The following AATF variants were observed in gnomAD, a reference collection of about 807,000 sequenced individuals.
AATF encodes the protein protein AATF.
A neutral mutation model predicts 63.7 loss-of-function variants in AATF; 48 were observed. The ratio of observed to expected loss-of-function variants is 0.75; its 90% CI spans 0.60 to 0.96. The LOEUF (loss-of-function observed/expected upper bound fraction) is 0.96. Ranked by LOEUF, AATF falls within the 40% of genes least tolerant of loss-of-function variation. AATF has a pLI of 0.00. For synonymous variants in AATF, 258 were observed against 247.7 expected (o/e 1.04, Z -0.39); for missense variants, 639 against 685.7 (o/e 0.93, Z 0.76).
intron 10 of AATF, among the ~76,000 whole-genome samples, chr17:37,026,657 G>C (rs1372462912): frequency 1.3e-5 from 2 of 152,180 alleles, no homozygotes; most frequent in Non-Finnish European, 2.9e-5. Context: ...CAGACTAAAT[G>C]AGCTAATTCA....
chr17:36,949,935 T>C (rs1031405572), intron 1 of AATF, among the ~76,000 whole-genome samples: 2 of 152,218 alleles, frequency 1.3e-5, no homozygotes, highest in African/African-American at 4.8e-5. Flanking sequence ...ATTTAAGATA[T>C]TGGAGCGACT....
intron 11 of AATF, among the ~76,000 whole-genome samples, chr17:37,047,229 T>C (rs2071701253): frequency 6.6e-6 from 1 of 152,174 alleles, no homozygotes; most frequent in Non-Finnish European, 1.5e-5. Context: ...GAATATGGAA[T>C]ATTAATGCGT....
rs966527311 is a variant in AATF at position 37,032,166 on chromosome 17, A to G, written c.1619+481A>G. On this transcript the variant is annotated intron_variant, in intron 11 of 11. Coordinates refer to ENST00000619387, the MANE Select transcript of AATF (RefSeq NM_012138.4). ...AAAAAAAGTGTATGCTCATAATATT[A>G]CCGTTCAGGGATAACCTTTTTAAAA... Among the ~76,000 whole-genome samples the G allele has an allele frequency of 3.3e-5, 5 of 152,140 alleles. No individual in the cohort carries two copies. In the East Asian group the frequency reaches 9.6e-4, roughly 29 times the overall value.
intron 4 of AATF, among the ~76,000 whole-genome samples, chr17:36,970,613 T>C (rs902469151): frequency 1.3e-5 from 2 of 151,286 alleles, no homozygotes; most frequent in Non-Finnish European, 2.9e-5. Flanking sequence ...CGATCATGGC[T>C]CACTGCAGCA....
In AATF at chr17:36,986,621, C is replaced by T. The variant is rs1389093891; in HGVS notation, c.837C>T (p.His279=). 1 of 1,613,566 alleles carries T rather than the reference C, an allele frequency of 6.2e-7. No homozygotes were observed. The highest frequency in any genetic ancestry group is 1.1e-5 in the South Asian group (1 of 91,074). The change falls in exon 5 of 12, where the codon CAC becomes CAT. Residue 279 remains histidine, a synonymous_variant. Transcript: ENST00000619387. The part of the protein sequence containing the change: ...PEFSSALKNS[H]KALKALLRSL... ...TCTCTGTCCTTTATTTCCCAGGTCA[C>T]AAGGCACTTAAAGCATTGTTGAGGT...
chr17:37,027,908 T>C (rs578227228), intron 10 of AATF, among the ~76,000 whole-genome samples: 2 of 152,312 alleles, frequency 1.3e-5, no homozygotes, highest in East Asian at 3.9e-4. Context: ...CAGCCAAGAA[T>C]AGTAATCATA....
At chr17:36,952,333 A>G (rs1469621651) in intron 2 of AATF, among the ~76,000 whole-genome samples, 1 of 152,212 alleles carries the variant, frequency 6.6e-6, no homozygotes, top group Admixed American at 6.5e-5. Context: ...CCACCAGACC[A>G]TGAACTCCTC....
intron 8 of AATF, among the ~76,000 whole-genome samples, chr17:37,003,471 CTTTTTT>C (rs1163393533): frequency 2.0e-3 from 197 of 96,634 alleles, no homozygotes; most frequent in African/African-American, 9.1e-3. Context: ...TTGACAAGAA[CTTTTTT>C]TTTTTTTTTT....
chr17:36,950,429 A>T (rs201145970), intron 2 of AATF, 24 bp downstream of exon 2: 1 of 1,602,152 alleles, frequency 6.2e-7, no homozygotes, highest in African/African-American at 1.3e-5. Context: ...TTTGAATGGA[A>T]CTCTTCTCTT....
intron 8 of AATF, among the ~76,000 whole-genome samples, chr17:37,015,929 C>G (rs2071425754): frequency 6.6e-6 from 1 of 152,160 alleles, no homozygotes; most frequent in Non-Finnish European, 1.5e-5. Context: ...AATTTCTTTT[C>G]TCTCACGAGA....
At chr17:37,049,172 A>T (rs1567998308) in intron 11 of AATF, among the ~76,000 whole-genome samples, 1 of 152,184 alleles carries the variant, frequency 6.6e-6, no homozygotes, top group Non-Finnish European at 1.5e-5. Flanking sequence ...GCCAGTCAGA[A>T]CCAACTCTGA....
chr17:37,030,745 G>A (rs972078791), intron 10 of AATF, among the ~76,000 whole-genome samples: 1 of 152,144 alleles, frequency 6.6e-6, no homozygotes, highest in Non-Finnish European at 1.5e-5. Context: ...TGGAGATGAC[G>A]TGGAATTGCA....
intron 11 of AATF, among the ~76,000 whole-genome samples, chr17:37,051,579 T>G (rs1345640501): frequency 6.6e-6 from 1 of 152,070 alleles, no homozygotes; most frequent in African/African-American, 2.4e-5. Flanking sequence ...TTTTAAAACC[T>G]TACCTGCCAC....
At chr17:36,969,120 G>A (rs1333564665) in intron 4 of AATF, among the ~76,000 whole-genome samples, 1 of 152,284 alleles carries the variant, frequency 6.6e-6, no homozygotes, top group East Asian at 1.9e-4. Context: ...AACTTTGTAT[G>A]TTGGATGGGG....
At chr17:36,991,773 G>GA (rs2071217337) in intron 8 of AATF, among the ~76,000 whole-genome samples, 1 of 152,062 alleles carries the variant, frequency 6.6e-6, no homozygotes, top group Non-Finnish European at 1.5e-5. Flanking sequence ...TTTTAGTAGA[G>GA]ACGGGGTTTC....
rs939276731 is a variant in AATF at position 37,040,320 on chromosome 17, G to A, written c.1619+8635G>A. The stretch of plus-strand genomic sequence containing the variant: ...CTGTTTCTAAGTGCAGTTATCCTTC[G>A]CTCTGATTTATCCACTGTAAGTCTG... On this transcript the variant is annotated intron_variant, in intron 11 of 11. Transcript: ENST00000619387. Among the ~76,000 whole-genome samples, 9 of 152,170 alleles carry A rather than the reference G, an allele frequency of 5.9e-5. No individual in the cohort carries two copies. The East Asian group carries it at 1.7e-3, about 29-fold the overall frequency.
intron 10 of AATF, among the ~76,000 whole-genome samples, chr17:37,022,081 G>T (rs2071476131): frequency 6.6e-6 from 1 of 151,624 alleles, no homozygotes; most frequent in African/African-American, 2.4e-5. Context: ...AGTGGAAATT[G>T]ACCTCGCTAT....
chr17:36,995,175 A>G (rs1282364672), intron 8 of AATF, among the ~76,000 whole-genome samples: 1 of 152,212 alleles, frequency 6.6e-6, no homozygotes, highest in East Asian at 1.9e-4. Context: ...ACTCTAGCCA[A>G]GAGTATCTAG....
intron 4 of AATF, among the ~76,000 whole-genome samples, chr17:36,972,447 C>T (rs2071046345): frequency 6.6e-6 from 1 of 152,206 alleles, no homozygotes; most frequent in African/African-American, 2.4e-5. Context: ...TGGCAGCTTT[C>T]TGGCTTCACA....
Sources: gnomAD v4.1 joint callset for allele counts (sites outside exome capture counted in the v4.1 genomes callset) on GRCh38, gnomAD v4.1.1 for gene constraint, MANE v1.5 for transcripts, NCBI Gene and HGNC (gene_info 2026-07-23, HGNC 2026-07-21) for gene names.